Variants in RBFOX1 observed in about 807,000 individuals in gnomAD.
The protein encoded by RBFOX1 is RNA binding fox-1 homolog 1.
A neutral mutation model predicts 57.7 loss-of-function variants in RBFOX1; 8 were observed. The ratio of observed to expected loss-of-function variants is 0.14; its 90% confidence interval spans 0.08 to 0.25. The LOEUF is 0.25. Ranked by LOEUF, RBFOX1 falls within the 10% of genes least tolerant of loss-of-function variation. The pLI, the probability that RBFOX1 is intolerant of heterozygous loss-of-function variation, is 1.00. For synonymous variants in RBFOX1, 326 were observed against 222.4 expected (o/e 1.47, Z -4.15); for missense variants, 611 against 548.5 (o/e 1.11, Z -1.14).
At chr16:6,461,342 C>T (rs1391588510) in intron 2 of RBFOX1, among the ~76,000 whole-genome samples, 1 of 152,130 alleles carries the variant, frequency 6.6e-6, no homozygotes, top group African/African-American at 2.4e-5. Flanking sequence ...ACTTAATTAA[C>T]TCGTTAAAGA....
At chr16:5,577,002 C>T (rs1446131606) in intron 2 of RBFOX1, among the ~76,000 whole-genome samples, 3 of 152,306 alleles carry the variant, frequency 2.0e-5, no homozygotes, top group Admixed American at 6.5e-5. Flanking sequence ...GAACCCTCGG[C>T]GGAGGCCCTT....
chr16:5,597,790 A>C (rs1379007175), intron 2 of RBFOX1, among the ~76,000 whole-genome samples: 4 of 152,116 alleles, frequency 2.6e-5, no homozygotes. Flanking sequence ...AGGTGGACGA[A>C]GGCTTTGGGA....
chr16:5,239,984 A>T, exon 1 of RBFOX1: 1 of 1,529,788 alleles, frequency 6.5e-7, no homozygotes, highest in Non-Finnish European at 8.7e-7. Flanking sequence ...CCCGAAGAGA[A>T]GAGGCTGCGG....
At chr16:6,228,572 A>C (rs927901433) in intron 1 of RBFOX1, among the ~76,000 whole-genome samples, 1 of 152,152 alleles carries the variant, frequency 6.6e-6, no homozygotes, top group Admixed American at 6.6e-5. Context: ...TAGAAAGACA[A>C]ATGCTGCATT....
chr16:5,962,778 T>C (rs539757983), intron 4 of RBFOX1, among the ~76,000 whole-genome samples: 2 of 151,970 alleles, frequency 1.3e-5, no homozygotes, highest in Non-Finnish European at 2.9e-5. Flanking sequence ...CATTCGCTTT[T>C]CAGTAATCCA....
At chr16:5,494,464 G>T (rs1020257904) in intron 2 of RBFOX1, among the ~76,000 whole-genome samples, 1 of 152,188 alleles carries the variant, frequency 6.6e-6, no homozygotes, top group Non-Finnish European at 1.5e-5. Context: ...TACTCTGGGG[G>T]CATTGATGGA....
intron 3 of RBFOX1, among the ~76,000 whole-genome samples, chr16:7,046,643 G>C (rs1437275381): frequency 9.1e-5 from 12 of 132,158 alleles, no homozygotes; most frequent in Admixed American, 8.6e-4. Context: ...GGGGAGTACA[G>C]AGTCTCAGTC....
intron 4 of RBFOX1, among the ~76,000 whole-genome samples, chr16:7,094,779 T>TGTGTGTGTGTGG (rs1555466482): frequency 1.6e-4 from 21 of 135,142 alleles, no homozygotes; most frequent in South Asian, 4.8e-4. Flanking sequence ...TGTGTGTGGG[T>TGTGTGTGTGTGG]GTGTGTGTGT....
chr16:6,779,176 C>T (rs2079908037), intron 3 of RBFOX1, among the ~76,000 whole-genome samples: 1 of 152,028 alleles, frequency 6.6e-6, no homozygotes, highest in Non-Finnish European at 1.5e-5. Context: ...GCTCTCAACT[C>T]CCCTTCCTTG....
At chr16:6,991,141 A>AT (rs1226414053) in intron 3 of RBFOX1, among the ~76,000 whole-genome samples, 2 of 138,492 alleles carry the variant, frequency 1.4e-5, no homozygotes, top group African/African-American at 5.9e-5. Flanking sequence ...CTCTCCAAAA[A>AT]AAAAAAAAAA....
At chr16:5,657,802 G>T (rs1353615875) in intron 3 of RBFOX1, among the ~76,000 whole-genome samples, 1 of 125,534 alleles carries the variant, frequency 8.0e-6, no homozygotes, top group Non-Finnish European at 1.6e-5. Context: ...GCACGATCTT[G>T]GCTCACTGTA....
intron 2 of RBFOX1, among the ~76,000 whole-genome samples, chr16:6,360,423 C>T (rs746704494): frequency 1.3e-5 from 2 of 151,988 alleles, no homozygotes; most frequent in African/African-American, 2.4e-5. Context: ...CATTCTGAAA[C>T]AGATTGTCCA....
At position 5,623,724 on chromosome 16, in the gene RBFOX1, C is replaced by G. The variant is rs117488432; in HGVS notation, c.318+24763C>G. On this transcript the variant is annotated intron_variant, in intron 3 of 19. Transcript: ENST00000641259. ...TCTCTCATTTGTTTTCTTTGTCCTTCCCTCCCTGTGTCTCTCCTGCTCTTT... is the reference window on the plus strand; with the variant it reads ...TCTCTCATTTGTTTTCTTTGTCCTTGCCTCCCTGTGTCTCTCCTGCTCTTT... 4.7e-4 allele frequency among the ~76,000 whole-genome samples: 71 copies of G among 152,274 alleles called. 1 individual carries two copies. The East Asian group carries it at 0.013, about 28-fold the overall frequency.
chr16:5,401,887 GTC>G (rs1280712350), intron 1 of RBFOX1, among the ~76,000 whole-genome samples: 1 of 151,402 alleles, frequency 6.6e-6, no homozygotes, highest in Non-Finnish European at 1.5e-5. Context: ...TTCTGTCTCT[GTC>G]TCTCTTTCTT....
At chr16:7,311,733 C>T (rs187522126) in intron 4 of RBFOX1, among the ~76,000 whole-genome samples, 101 of 152,200 alleles carry the variant, frequency 6.6e-4, no homozygotes, top group Admixed American at 3.6e-3. Flanking sequence ...TCAAGTGTCT[C>T]ACAAAATTCA....
intron 1 of RBFOX1, among the ~76,000 whole-genome samples, chr16:6,119,546 G>A (rs1893284882): frequency 6.6e-6 from 1 of 152,138 alleles, no homozygotes; most frequent in African/African-American, 2.4e-5. Context: ...CTCATGCCCT[G>A]TACATGTATT....
intron 2 of RBFOX1, among the ~76,000 whole-genome samples, chr16:5,547,011 A>G (rs2045236703): frequency 6.6e-6 from 1 of 152,204 alleles, no homozygotes; most frequent in South Asian, 2.1e-4. Context: ...GTTCAACATC[A>G]TTAATCATTA....
At chr16:5,995,289 C>T (rs1007959099) in intron 4 of RBFOX1, among the ~76,000 whole-genome samples, 4 of 152,238 alleles carry the variant, frequency 2.6e-5, no homozygotes, top group East Asian at 1.9e-4. Context: ...CATAGTTGCA[C>T]ATATATCTTA....
intron 2 of RBFOX1, among the ~76,000 whole-genome samples, chr16:6,505,541 C>A (rs573840645): frequency 2.0e-5 from 3 of 152,130 alleles, no homozygotes; most frequent in Non-Finnish European, 4.4e-5. Flanking sequence ...GTATTCTCAC[C>A]GTCTAGTACA....
Sources: allele counts gnomAD v4.1 joint callset (sites outside exome capture counted in the v4.1 genomes callset), GRCh38; gene constraint gnomAD v4.1.1; transcripts MANE v1.5; gene names NCBI Gene and HGNC (gene_info 2026-07-23, HGNC 2026-07-21).